Variants in ARID1B observed in about 807,000 individuals in gnomAD.
ARID1B encodes the protein AT-rich interactive domain-containing protein 1B.
Under a neutral mutation model 212.3 loss-of-function variants are expected in ARID1B, and 30 were observed. The observed-to-expected ratio is 0.14, with a 90% CI of 0.11 to 0.19. ARID1B has a LOEUF of 0.19. ARID1B is among the 10% of genes least tolerant of loss of function. The probability of loss-of-function intolerance (pLI) is 1.00; values close to 1 mark genes in which losing one functional copy is unlikely to be tolerated. For missense variants in ARID1B, 2,891 were observed against 3,204.0 expected, an observed-to-expected ratio of 0.90 and a Z score of 2.36; for synonymous variants, 1,402 against 1,301.7, an observed-to-expected ratio of 1.08 and a Z score of -1.66.
At chr6:157,177,712 A>G (rs1490681785) in intron 11 of ARID1B, among the ~76,000 whole-genome samples, 1 of 152,258 alleles carries the variant, frequency 6.6e-6, no homozygotes, top group Non-Finnish European at 1.5e-5. Flanking sequence ...TTGTGGCACC[A>G]TAATAATGTC....
At chr6:156,952,657 A>G (rs1793672800) in intron 4 of ARID1B, among the ~76,000 whole-genome samples, 1 of 152,178 alleles carries the variant, frequency 6.6e-6, no homozygotes, top group Admixed American at 6.5e-5. Flanking sequence ...CTGACCATTC[A>G]TCCACCTTTG....
chr6:157,018,270 G>A (rs988347971), intron 4 of ARID1B, among the ~76,000 whole-genome samples: 4 of 139,854 alleles, frequency 2.9e-5, no homozygotes, highest in Non-Finnish European at 6.0e-5. Flanking sequence ...AGGCTGGAGT[G>A]CAGTGGTACA....
At chr6:157,056,223 G>A (rs946110353) in intron 4 of ARID1B, among the ~76,000 whole-genome samples, 1 of 152,116 alleles carries the variant, frequency 6.6e-6, no homozygotes, top group South Asian at 2.1e-4. Flanking sequence ...TTAAAAATCT[G>A]CCTCCCACAG....
intron 4 of ARID1B, among the ~76,000 whole-genome samples, chr6:157,084,251 A>C (rs895224673): frequency 2.6e-5 from 4 of 152,078 alleles, no homozygotes; most frequent in African/African-American, 9.7e-5. Context: ...TCAAATTCTG[A>C]AAAAAAGGAC....
chr6:157,050,605 A>G (rs1001505392), intron 4 of ARID1B, among the ~76,000 whole-genome samples: 1 of 152,208 alleles, frequency 6.6e-6, no homozygotes, highest in Admixed American at 6.5e-5. Flanking sequence ...CCTGAGTTTT[A>G]TGATGCAGAA....
In ARID1B at chr6:157,187,166, A is replaced by G. The variant is rs1793032584; in HGVS notation, c.3920-2476A>G. Among the ~76,000 whole-genome samples the G allele has an allele frequency of 2.6e-5, 4 of 152,140 alleles. No homozygotes were observed. The South Asian group carries it at 6.2e-4, about 24-fold the overall frequency. ...TAGAAAAGGTTGTGGGGGAGTTCCA[A>G]TGAGCGCTGTAGGAAGCACCTCCCC... is the stretch of plus-strand genomic sequence containing the variant. On this transcript the variant is annotated intron_variant, in intron 13 of 19. Transcript: ENST00000636930.
intron 6 of ARID1B, among the ~76,000 whole-genome samples, chr6:157,112,984 C>T (rs1226069439): frequency 2.0e-5 from 3 of 150,654 alleles, no homozygotes; most frequent in South Asian, 4.2e-4. Context: ...TGCAATGGCA[C>T]GATCTCAGCT....
intron 12 of ARID1B, among the ~76,000 whole-genome samples, chr6:157,181,848 C>G (rs1034749916): frequency 2.0e-5 from 3 of 152,178 alleles, no homozygotes; most frequent in African/African-American, 7.2e-5. Flanking sequence ...TAGGACCACG[C>G]CCTGTCATAG....
chr6:157,104,243 C>T (rs1786305513), intron 5 of ARID1B, among the ~76,000 whole-genome samples: 1 of 152,198 alleles, frequency 6.6e-6, no homozygotes, highest in Non-Finnish European at 1.5e-5. Flanking sequence ...AAGGAAGTAG[C>T]AATGGAGAGA....
intron 4 of ARID1B, among the ~76,000 whole-genome samples, chr6:157,057,343 TA>T (rs1196326125): frequency 6.6e-6 from 1 of 152,188 alleles, no homozygotes; most frequent in Non-Finnish European, 1.5e-5. Flanking sequence ...GAATCAAATA[TA>T]ATACAACATA....
chr6:156,884,230 AC>A (rs1787330247), intron 2 of ARID1B, among the ~76,000 whole-genome samples: 1 of 152,196 alleles, frequency 6.6e-6, no homozygotes, highest in Non-Finnish European at 1.5e-5. Flanking sequence ...TGGCGTCAAA[AC>A]ATTTGACAGC....
intron 2 of ARID1B, among the ~76,000 whole-genome samples, chr6:156,863,869 G>T (rs1785502284): frequency 6.6e-6 from 1 of 152,160 alleles, no homozygotes; most frequent in Non-Finnish European, 1.5e-5. Context: ...TGAGTCCTTG[G>T]CAAAATCCAT....
chr6:157,108,721 A>G (rs1002345847), intron 5 of ARID1B, among the ~76,000 whole-genome samples: 2 of 152,204 alleles, frequency 1.3e-5, no homozygotes, highest in Non-Finnish European at 2.9e-5. Flanking sequence ...ATTATTTGGT[A>G]CTAGTACTAA....
intron 4 of ARID1B, among the ~76,000 whole-genome samples, chr6:156,977,846 G>A (rs1777353249): frequency 6.6e-6 from 1 of 152,188 alleles, no homozygotes; most frequent in Admixed American, 6.5e-5. Context: ...CTTGGAAACA[G>A]CTTGATCCTT....
At chr6:157,165,387 A>T (rs1791256176) in intron 8 of ARID1B, among the ~76,000 whole-genome samples, 1 of 152,224 alleles carries the variant, frequency 6.6e-6, no homozygotes, top group Non-Finnish European at 1.5e-5. Flanking sequence ...CCAAGCCATC[A>T]TGGTACATTA....
At chr6:157,008,756 G>C (rs2128448171) in intron 4 of ARID1B, among the ~76,000 whole-genome samples, 1 of 152,204 alleles carries the variant, frequency 6.6e-6, no homozygotes, top group African/African-American at 2.4e-5. Context: ...GATCGGCGGG[G>C]GAGGGGGGCG....
chr6:156,895,990 T>C (rs1167293168), intron 2 of ARID1B, among the ~76,000 whole-genome samples: 1 of 152,266 alleles, frequency 6.6e-6, no homozygotes, highest in African/African-American at 2.4e-5. Context: ...TTTTTGTTGC[T>C]TTCTTTTTAA....
chr6:156,995,744 C>T (rs1778548634), intron 4 of ARID1B, among the ~76,000 whole-genome samples: 1 of 152,192 alleles, frequency 6.6e-6, no homozygotes, highest in South Asian at 2.1e-4. Flanking sequence ...GGAGAATCTG[C>T]AGCCTAGTAA....
intron 5 of ARID1B, among the ~76,000 whole-genome samples, chr6:157,090,741 G>T (rs1253618803): frequency 2.0e-5 from 3 of 152,236 alleles, no homozygotes; most frequent in Non-Finnish European, 4.4e-5. Context: ...CTGCTGGCTG[G>T]CTGGGCATGA....
Sources: allele counts gnomAD v4.1 joint callset (sites outside exome capture counted in the v4.1 genomes callset), GRCh38; gene constraint gnomAD v4.1.1; transcripts MANE v1.5; gene names NCBI Gene and HGNC (gene_info 2026-07-23, HGNC 2026-07-21).